The following SCML4 variants were observed in gnomAD, a reference collection of about 807,000 sequenced individuals.
SCML4 encodes sex comb on midleg-like protein 4.
In SCML4, 34 loss-of-function variants were observed where a neutral mutation model predicts 41.1. That is an observed-to-expected ratio of 0.83 (90% confidence interval 0.63 to 1.10). The LOEUF (loss-of-function observed/expected upper bound fraction) is 1.10, where lower values mean the gene tolerates loss of function less well. Among genes scored for constraint, SCML4 ranks in the 50% least tolerant of loss-of-function variants. The pLI, the probability that SCML4 is intolerant of heterozygous loss-of-function variation, is 0.00. For synonymous variants in SCML4, 214 were observed against 220.9 expected (o/e 0.97, Z 0.28); for missense variants, 522 against 534.1 (o/e 0.98, Z 0.22).
At chr6:107,727,738 G>A (rs2114433637) in intron 5 of SCML4, among the ~76,000 whole-genome samples, 1 of 152,358 alleles carries the variant, frequency 6.6e-6, no homozygotes, top group East Asian at 1.9e-4. Context: ...ATACTAGGCT[G>A]CTTTCTGAAT....
the SCML4 span, among the ~76,000 whole-genome samples, chr6:107,831,411 C>CCAAAAAAAAA: frequency 3.7e-5 from 4 of 107,504 alleles, 2 homozygotes; most frequent in Non-Finnish European, 3.7e-5. Context: ...TTTTCATTCT[C>CCAAAAAAAAA]AAAAAAAAAA....
chr6:107,740,571 G>C (rs2114480051), intron 5 of SCML4, among the ~76,000 whole-genome samples: 1 of 152,322 alleles, frequency 6.6e-6, no homozygotes, highest in Middle Eastern at 3.4e-3. Flanking sequence ...AGGACCAGAT[G>C]TGGGCCATCA....
At chr6:107,837,432 A>T in the SCML4 span, among the ~76,000 whole-genome samples, 1 of 152,244 alleles carries the variant, frequency 6.6e-6, no homozygotes, top group South Asian at 2.1e-4. Flanking sequence ...CATGAAAGTT[A>T]GTAGGCCGAA....
intron 3 of SCML4, among the ~76,000 whole-genome samples, chr6:107,747,106 T>C (rs962328401): frequency 1.3e-5 from 2 of 152,222 alleles, no homozygotes; most frequent in Non-Finnish European, 2.9e-5. Flanking sequence ...CTCGGGGGCT[T>C]TCTTGGTTGG....
chr6:107,735,572 G>A (rs1156562757), intron 5 of SCML4, among the ~76,000 whole-genome samples: 20 of 152,138 alleles, frequency 1.3e-4, no homozygotes, highest in Non-Finnish European at 1.8e-4. Context: ...GCTGAGGCAG[G>A]TGAATTACTT....
intron 1 of SCML4, among the ~76,000 whole-genome samples, chr6:107,814,301 T>A (rs770682062): frequency 6.6e-6 from 1 of 152,176 alleles, no homozygotes; most frequent in Non-Finnish European, 1.5e-5. Context: ...CAGGTCAGAC[T>A]GGAAAAAAGG....
intron 2 of SCML4, among the ~76,000 whole-genome samples, chr6:107,770,573 TG>T (rs1780435079): frequency 6.6e-6 from 1 of 152,062 alleles, no homozygotes; most frequent in Non-Finnish European, 1.5e-5. Flanking sequence ...TATGAGGAAA[TG>T]GGAAAAGACT....
intron 6 of SCML4, among the ~76,000 whole-genome samples, chr6:107,718,135 G>A (rs752284856): frequency 6.6e-6 from 1 of 152,226 alleles, no homozygotes; most frequent in Non-Finnish European, 1.5e-5. Flanking sequence ...AGGATGATAT[G>A]AGTTAGCTCT....
intron 5 of SCML4, among the ~76,000 whole-genome samples, chr6:107,731,233 C>T (rs1776511430): frequency 6.6e-6 from 1 of 152,184 alleles, no homozygotes; most frequent in Non-Finnish European, 1.5e-5. Flanking sequence ...CAAGTGTCAG[C>T]TCTCCTCACT....
intron 1 of SCML4, among the ~76,000 whole-genome samples, chr6:107,797,530 C>CCA (rs1331182103): frequency 6.6e-6 from 1 of 151,988 alleles, no homozygotes; most frequent in Non-Finnish European, 1.5e-5. Context: ...GCTTTTTGTA[C>CCA]ATTCCTTTAG....
At chr6:107,808,846 A>G (rs1783943483) in intron 1 of SCML4, among the ~76,000 whole-genome samples, 1 of 152,228 alleles carries the variant, frequency 6.6e-6, no homozygotes, top group Non-Finnish European at 1.5e-5. Flanking sequence ...ATTATAAATA[A>G]CATATATGTG....
At chr6:107,840,829 G>A in the SCML4 span, among the ~76,000 whole-genome samples, 118 of 152,254 alleles carry the variant, frequency 7.8e-4, no homozygotes, top group African/African-American at 2.7e-3. Context: ...GCAATGGAGA[G>A]TGGGACGGGG....
intron 1 of SCML4, among the ~76,000 whole-genome samples, chr6:107,815,828 A>G (rs942178462): frequency 5.9e-5 from 9 of 152,238 alleles, no homozygotes; most frequent in African/African-American, 1.2e-4. Flanking sequence ...AGGTGCTTGA[A>G]TATATTTGCA....
chr6:107,736,593 T>G (rs1265130503), intron 5 of SCML4, among the ~76,000 whole-genome samples: 1 of 152,200 alleles, frequency 6.6e-6, no homozygotes, highest in East Asian at 1.9e-4. Context: ...GCCAACTGAC[T>G]AAATGGATGG....
At chr6:107,784,761 T>C (rs1431257290) in intron 1 of SCML4, among the ~76,000 whole-genome samples, 1 of 152,208 alleles carries the variant, frequency 6.6e-6, no homozygotes, top group African/African-American at 2.4e-5. Flanking sequence ...GGAGGTGAAA[T>C]GAGTCAGGTA....
intron 1 of SCML4, among the ~76,000 whole-genome samples, chr6:107,808,347 A>G (rs1255218805): frequency 6.6e-6 from 1 of 152,226 alleles, no homozygotes. Context: ...AACACTATAT[A>G]TAAAGATGGC....
intron 1 of SCML4, among the ~76,000 whole-genome samples, chr6:107,789,754 A>G (rs1458058194): frequency 2.0e-5 from 3 of 152,194 alleles, no homozygotes; most frequent in African/African-American, 7.2e-5. Flanking sequence ...GAGGATTCCC[A>G]GCCTTGGTGG....
At chr6:107,715,880 T>C (rs1377509116) in intron 6 of SCML4, among the ~76,000 whole-genome samples, 1 of 152,164 alleles carries the variant, frequency 6.6e-6, no homozygotes, top group Admixed American at 6.5e-5. Context: ...TCTAAGTCTC[T>C]TCCATGGTTT....
chr6:107,796,956 T>C (rs1244408947), intron 1 of SCML4, among the ~76,000 whole-genome samples: 4 of 152,174 alleles, frequency 2.6e-5, no homozygotes, highest in Non-Finnish European at 4.4e-5. Flanking sequence ...TGAATTCCTT[T>C]GGCACCTTTG....
Sources: allele counts gnomAD v4.1 joint callset (sites outside exome capture counted in the v4.1 genomes callset), GRCh38; gene constraint gnomAD v4.1.1; transcripts MANE v1.5; gene names NCBI Gene and HGNC (gene_info 2026-07-23, HGNC 2026-07-21).